The following AGBL1 variants were observed in gnomAD, a reference collection of about 807,000 sequenced individuals.
AGBL1 encodes the protein cytosolic carboxypeptidase 4.
A neutral mutation model predicts 118.9 loss-of-function variants in AGBL1; 130 were observed. That is an observed-to-expected ratio of 1.09 (90% confidence interval 0.95 to 1.26). The LOEUF is 1.26. Among genes scored for constraint, AGBL1 ranks in the 50% most tolerant of loss-of-function variants. The probability of loss-of-function intolerance (pLI) is 0.00; values close to 1 mark genes in which losing one functional copy is unlikely to be tolerated. For synonymous variants in AGBL1, 555 were observed against 478.9 expected, an observed-to-expected ratio of 1.16 and a Z score of -2.08; for missense variants, 1,584 against 1,298.1, an observed-to-expected ratio of 1.22 and a Z score of -3.38.
chr15:86,091,732 T>A (rs1183416260), intron 1 of AGBL1, among the ~76,000 whole-genome samples: 1 of 152,156 alleles, frequency 6.6e-6, no homozygotes, highest in Non-Finnish European at 1.5e-5. Context: ...CGAATGAAGC[T>A]CTTAAAGGTC....
chr15:86,540,567 T>C (rs1380044896), intron 19 of AGBL1, among the ~76,000 whole-genome samples: 1 of 152,110 alleles, frequency 6.6e-6, no homozygotes, highest in Admixed American at 6.5e-5. Flanking sequence ...TGCACTCCAG[T>C]CTGAGTGAGA....
At chr15:86,761,660 C>T (rs552765894) in intron 22 of AGBL1, among the ~76,000 whole-genome samples, 1 of 152,152 alleles carries the variant, frequency 6.6e-6, no homozygotes, top group Admixed American at 6.5e-5. Flanking sequence ...ATCATTTGTG[C>T]ACTTTTTAAT....
intron 6 of AGBL1, among the ~76,000 whole-genome samples, chr15:86,227,539 A>G (rs2078386367): frequency 6.6e-6 from 1 of 152,212 alleles, no homozygotes; most frequent in African/African-American, 2.4e-5. Context: ...CTCAGTTGTA[A>G]CCAAAAAATT....
intron 22 of AGBL1, among the ~76,000 whole-genome samples, chr15:86,683,821 C>T (rs1400773836): frequency 6.6e-6 from 1 of 152,140 alleles, no homozygotes; most frequent in East Asian, 1.9e-4. Context: ...CAAACAGGAG[C>T]AGTTGTTGTC....
At chr15:86,599,163 A>C (rs1158108343) in intron 21 of AGBL1, among the ~76,000 whole-genome samples, 1 of 152,078 alleles carries the variant, frequency 6.6e-6, no homozygotes, top group Non-Finnish European at 1.5e-5. Flanking sequence ...AGTTTTTTAA[A>C]AGTTTACTAA....
At chr15:86,680,569 T>TTC (rs1555437256) in intron 22 of AGBL1, among the ~76,000 whole-genome samples, 6 of 137,952 alleles carry the variant, frequency 4.3e-5, no homozygotes, top group Admixed American at 7.2e-5. Flanking sequence ...TCTTTTCTTT[T>TTC]TTTTTTTTTT....
chr15:86,087,332 CTTTT>C (rs565797859), intron 1 of AGBL1, among the ~76,000 whole-genome samples: 3 of 135,506 alleles, frequency 2.2e-5, no homozygotes, highest in Non-Finnish European at 4.8e-5. Context: ...ATTTAATGGG[CTTTT>C]TTTTTTTTTT....
At chr15:86,154,090 A>C (rs550408703) in intron 3 of AGBL1, among the ~76,000 whole-genome samples, 3 of 152,314 alleles carry the variant, frequency 2.0e-5, no homozygotes, top group South Asian at 2.1e-4. Context: ...TTATATTAAT[A>C]TTAAGAATAT....
intron 22 of AGBL1, among the ~76,000 whole-genome samples, chr15:86,876,369 C>A (rs191427878): frequency 1.1e-4 from 16 of 152,038 alleles, no homozygotes; most frequent in Non-Finnish European, 1.5e-4. Flanking sequence ...AAAGCTGCAC[C>A]GATGGAGGGC....
intron 17 of AGBL1, among the ~76,000 whole-genome samples, chr15:86,383,247 T>TG (rs1555476192): frequency 1.8e-5 from 1 of 54,478 alleles, no homozygotes; most frequent in East Asian, 1.2e-3. Flanking sequence ...ATTCAGTATG[T>TG]AAAAAAAAAA....
At chr15:86,919,543 C>T (rs2080463198), downstream of AGBL1, among the ~76,000 whole-genome samples, 1 of 151,334 alleles carries the variant, frequency 6.6e-6, no homozygotes, top group Non-Finnish European at 1.5e-5. Flanking sequence ...TCATCAATGA[C>T]TAGCTGCTTA....
chr15:86,854,969 C>A (rs1596554513), intron 22 of AGBL1, among the ~76,000 whole-genome samples: 1 of 152,134 alleles, frequency 6.6e-6, no homozygotes, highest in Non-Finnish European at 1.5e-5. Flanking sequence ...GCTACACCCC[C>A]CCACTGGTCC....
rs534743830 is a variant in AGBL1 at position 86,534,389 on chromosome 15, A to G, written c.2685+11450A>G. Among the ~76,000 whole-genome samples, 3 of 152,320 alleles carry G rather than the reference A, an allele frequency of 2.0e-5. No individual in the cohort carries two copies. In the East Asian group the frequency reaches 5.8e-4, roughly 29 times the overall value. ...TTTTATTCTAGTAAGGCTGAGAAAT[A>G]TTCTTTCCTCAAAGAATCTGTAGGC... On this transcript the variant is annotated intron_variant, in intron 19 of 22. Coordinates refer to ENST00000614907, the MANE Select transcript of AGBL1 (RefSeq NM_001386094.1).
chr15:86,079,868 G>T, upstream of AGBL1: 1 of 799,478 alleles, frequency 1.3e-6, no homozygotes, highest in South Asian at 6.3e-5. Flanking sequence ...GAGGCCTCCG[G>T]GCAGTCGTCT....
At chr15:86,086,742 T>C (rs1895683157) in intron 1 of AGBL1, among the ~76,000 whole-genome samples, 1 of 152,166 alleles carries the variant, frequency 6.6e-6, no homozygotes. Context: ...TTGCTTAAAT[T>C]TGTGCATATA....
At chr15:86,667,157 ATATATT>A (rs2085658542) in intron 21 of AGBL1, among the ~76,000 whole-genome samples, 1 of 152,142 alleles carries the variant, frequency 6.6e-6, no homozygotes, top group South Asian at 2.1e-4. Context: ...TTATATTTTT[ATATATT>A]TATATTTCTG....
chr15:86,794,244 A>G (rs529489057), intron 22 of AGBL1, among the ~76,000 whole-genome samples: 3 of 152,396 alleles, frequency 2.0e-5, no homozygotes, highest in Admixed American at 6.5e-5. Flanking sequence ...TGGTGTGTCT[A>G]TACAACAGAA....
At chr15:86,494,400 T>C (rs1596187687) in intron 18 of AGBL1, among the ~76,000 whole-genome samples, 1 of 152,064 alleles carries the variant, frequency 6.6e-6, no homozygotes, top group Non-Finnish European at 1.5e-5. Flanking sequence ...TGTTCTTTCT[T>C]ATGGTCACAC....
chr15:87,021,109 C>T (rs909436627), intron 24 of AGBL1, among the ~76,000 whole-genome samples: 1 of 151,990 alleles, frequency 6.6e-6, no homozygotes, highest in Non-Finnish European at 1.5e-5. Flanking sequence ...ATGCTACAAA[C>T]CAAACAGTAA....
Sources: allele counts gnomAD v4.1 joint callset (sites outside exome capture counted in the v4.1 genomes callset), GRCh38; gene constraint gnomAD v4.1.1; transcripts MANE v1.5; gene names NCBI Gene and HGNC (gene_info 2026-07-23, HGNC 2026-07-21).